SNRNP35: variants seen among roughly 807,000 people sequenced by gnomAD.
SNRNP35 encodes small nuclear ribonucleoprotein U11/U12 subunit 35.
A neutral mutation model predicts 24.3 loss-of-function variants in SNRNP35; 16 were observed. The ratio of observed to expected loss-of-function variants is 0.66; its 90% CI spans 0.45 to 1.00. The LOEUF is 1.00. Ranked by LOEUF, SNRNP35 falls within the 50% of genes least tolerant of loss-of-function variation. The pLI is 0.00. For synonymous variants in SNRNP35, 106 were observed against 124.8 expected, an observed-to-expected ratio of 0.85 and a Z score of 1.00; for missense variants, 292 against 327.2, an observed-to-expected ratio of 0.89 and a Z score of 0.83.
At chr12:123,460,569 C>T (rs1880550264) in intron 1 of SNRNP35, among the ~76,000 whole-genome samples, 1 of 122,152 alleles carries the variant, frequency 8.2e-6, no homozygotes, top group South Asian at 2.7e-4. Context: ...AGTTCAAGAT[C>T]AGCCTATGCA....
Position 123,465,801 on chromosome 12 carries a change from C to T in SNRNP35, c.261C>T (p.Val87=). 1 of 1,614,018 alleles carries T rather than the reference C, an allele frequency of 6.2e-7. No homozygotes were observed. Among genetic ancestry groups the T allele is most frequent in the East Asian group, 2.2e-5 (1 of 44,874 alleles). ...GGCTTCGGCTGGTCAGGGACTTGGT[C>T]ACAGGTTTTTCAAAGGGCTACGCCT... ...IRRLRLVRDL[V]TGFSKGYAFI... The change falls in exon 2 of 2, where the codon GTC becomes GTT. Residue 87 remains valine (V), a synonymous_variant. Coordinates refer to ENST00000526639, the MANE Select transcript of SNRNP35 (RefSeq NM_022717.4). The surrounding 1 kb of genome is among the most constrained non-coding windows in gnomAD (Gnocchi z 4.2).
intron 1 of SNRNP35, among the ~76,000 whole-genome samples, chr12:123,462,395 C>T (rs905205815): frequency 6.6e-6 from 1 of 152,014 alleles, no homozygotes. Context: ...AGGAGCAAGC[C>T]TGGGTAGTTT....
In SNRNP35 at chr12:123,458,148, G is replaced by T. The variant is rs1484390010; in HGVS notation, c.-72G>T. ...ATGTAAAGGTCAGGCCGAGGCCGGC[G>T]CGGAGAATCTGCTGTCGCCTGCAGC... On this transcript the variant is annotated 5_prime_UTR_variant, in exon 1 of 2. Transcript: ENST00000526639. The T allele has an allele frequency of 1.4e-5, 14 of 985,300 alleles. No individual in the cohort carries two copies. Among genetic ancestry groups the T allele is most frequent in the Non-Finnish European group, 1.7e-5 (14 of 829,966 alleles). The allele number at this position is 985,300 out of a possible 1,614,324, so 61.0% of individuals were successfully genotyped here.
chr12:123,461,316 C>T (rs1280808605), intron 1 of SNRNP35, among the ~76,000 whole-genome samples: 17 of 141,294 alleles, frequency 1.2e-4, no homozygotes, highest in African/African-American at 4.4e-4. Context: ...TTAGTAGAGA[C>T]GGGGTTTCAC....
At chr12:123,463,881 A>G (rs983346111) in intron 1 of SNRNP35, among the ~76,000 whole-genome samples, 3 of 147,946 alleles carry the variant, frequency 2.0e-5, no homozygotes, top group African/African-American at 7.5e-5. Context: ...CTCCTGCCTC[A>G]ACCTCCTGAG....
At chr12:123,459,670 C>A in intron 1 of SNRNP35, 1 of 554,660 alleles carries the variant, frequency 1.8e-6, no homozygotes, top group Non-Finnish European at 3.2e-6. Flanking sequence ...TGTCTGTAAT[C>A]CCAGCTACTC....
At chr12:123,472,490 G>T (rs1173382666) in exon 2 of SNRNP35, 1 of 1,547,304 alleles carries the variant, frequency 6.5e-7, no homozygotes, top group Admixed American at 2.0e-5. Flanking sequence ...TTCGGTTGCA[G>T]GCGCTGGTGG....
At chr12:123,461,465 G>A (rs1313594680) in intron 1 of SNRNP35, among the ~76,000 whole-genome samples, 1 of 151,868 alleles carries the variant, frequency 6.6e-6, no homozygotes, top group East Asian at 1.9e-4. Flanking sequence ...CCAGCCACGA[G>A]AGAAGACACA....
At chr12:123,472,439 G>A in exon 2 of SNRNP35, 1 of 1,348,276 alleles carries the variant, frequency 7.4e-7, no homozygotes. Context: ...GGGTGCATCT[G>A]CACCGAGAGG....
rs1290346789 is a variant in SNRNP35 at position 123,465,978 on chromosome 12, A to C, written c.438A>C (p.Gly146=). 1 of 1,613,798 alleles carries C rather than the reference A, an allele frequency of 6.2e-7. No individual in the cohort carries two copies. The highest frequency in any genetic ancestry group is 8.5e-7 in the Non-Finnish European group (1 of 1,179,950). The change falls in exon 2 of 2, where the codon GGA becomes GGC. Residue 146 remains glycine (G), a synonymous_variant. Coordinates refer to ENST00000526639, the MANE Select transcript of SNRNP35 (RefSeq NM_022717.4). This position sits in a 1 kb window ranked among gnomAD's most constrained non-coding sequence, Gnocchi z 4.2. ...GGCGACTTGGAGGCGGTCTTGGGGG[A>C]AAAAAGGAGTCTGGGCAACTGAGAT... is the stretch of plus-strand genomic sequence containing the variant. ...IPRRLGGGLG[G]KKESGQLRFG...
At chr12:123,459,938 C>A in intron 1 of SNRNP35, 1 of 1,309,472 alleles carries the variant, frequency 7.6e-7, no homozygotes, top group Non-Finnish European at 1.1e-6. Context: ...AGAGAGAGAA[C>A]AAAATCCATG....
chr12:123,470,400 G>C (rs990640934), downstream of SNRNP35: 3 of 151,230 alleles, frequency 2.0e-5, no homozygotes, highest in African/African-American at 7.4e-5. Flanking sequence ...TTGAGCCCAG[G>C]GGTTCATAGC....
downstream of SNRNP35, among the ~76,000 whole-genome samples, chr12:123,469,839 A>G (rs192642155): frequency 1.3e-5 from 2 of 151,140 alleles, no homozygotes; most frequent in Admixed American, 1.3e-4. Flanking sequence ...AAAGAAAAGC[A>G]CAGAACAGCA....
At position 123,461,747 on chromosome 12, in the gene SNRNP35, A is replaced by G. The variant is rs1342981028; in HGVS notation, c.-4+3531A>G. On this transcript the variant is annotated intron_variant, in intron 1 of 1. Coordinates refer to ENST00000526639, the MANE Select transcript of SNRNP35 (RefSeq NM_022717.4). ...ATTTTTTTTTTTTTTTTTGAGACAG[A>G]GTATTGCTGTGTTGATGAGGCTGGA... 2.7e-5 allele frequency among the ~76,000 whole-genome samples: 4 copies of G among 145,644 alleles called. No individual in the cohort carries two copies. The Admixed American group carries it at 2.8e-4, about 10-fold the overall frequency.
At chr12:123,458,338 A>G (rs1566101381) in intron 1 of SNRNP35, 122 bp downstream of exon 1, 1 of 577,418 alleles carries the variant, frequency 1.7e-6, no homozygotes, top group Non-Finnish European at 2.2e-6. Context: ...AAAGGGGACG[A>G]CATTCTGGGT....
Position 123,466,260 on chromosome 12 carries a change from G to A in SNRNP35, c.720G>A (p.Glu240=). The change falls in exon 2 of 2, where the codon GAG becomes GAA. Residue 240 remains glutamate, a synonymous_variant. Coordinates refer to ENST00000526639, the MANE Select transcript of SNRNP35 (RefSeq NM_022717.4). ...DFRDDRIKGR[E]KKERGK ...GAGATGACAGGATCAAGGGGAGGGA[G>A]AAGAAGGAAAGAGGCAAGTAGAGGC... 1 of 1,522,532 alleles carries A rather than the reference G, an allele frequency of 6.6e-7. No homozygotes were observed. Among genetic ancestry groups the A allele is most frequent in the Non-Finnish European group, 8.8e-7 (1 of 1,137,786 alleles). 94.3% of individuals were successfully genotyped at this position (1,522,532 alleles called of 1,614,324 possible). A position where few individuals can be genotyped will look rare whatever the true frequency, so the allele number is the denominator to read the frequency against.
chr12:123,468,419 G>A (rs1881054715), downstream of SNRNP35, among the ~76,000 whole-genome samples: 1 of 148,358 alleles, frequency 6.7e-6, no homozygotes, highest in Admixed American at 6.8e-5. Context: ...TGGGCGTGAT[G>A]GCTCACGGCT....
At chr12:123,469,119 C>G (rs143703552), downstream of SNRNP35, among the ~76,000 whole-genome samples, 2,122 of 151,920 alleles carry the variant, frequency 0.014, 66 homozygotes, top group African/African-American at 0.047. Flanking sequence ...CAAATGTCCC[C>G]TGGGGGGCTC....
At chr12:123,464,658 A>T (rs1880842866) in intron 1 of SNRNP35, 1 of 152,354 alleles carries the variant, frequency 6.6e-6, no homozygotes, top group Admixed American at 6.5e-5. Flanking sequence ...TCCAGCAAAG[A>T]TTCACATGAA....
Sources: allele counts gnomAD v4.1 joint callset (sites outside exome capture counted in the v4.1 genomes callset), GRCh38; gene constraint gnomAD v4.1.1; non-coding constraint Gnocchi (gnomAD v3.1); transcripts MANE v1.5; gene names NCBI Gene and HGNC (gene_info 2026-07-23, HGNC 2026-07-21).